Variants in TNXB observed in about 807,000 individuals in gnomAD.
TNXB encodes the protein tenascin XB, also known as tenascin-X.
In TNXB, 183 loss-of-function variants were observed where a neutral mutation model predicts 340.5. The ratio of observed to expected loss-of-function variants is 0.54; its 90% confidence interval spans 0.48 to 0.61. The LOEUF is 0.61. TNXB is among the 20% of genes least tolerant of loss of function. The pLI, the probability that TNXB is intolerant of heterozygous loss-of-function variation, is 0.00. For missense variants in TNXB, 4,613 were observed against 5,446.4 expected (o/e 0.85, Z 4.82); for synonymous variants, 2,121 against 2,314.5 (o/e 0.92, Z 2.40).
In TNXB at chr6:32,062,411, C is replaced by A; in HGVS notation, c.6914G>T (p.Arg2305Leu). The change falls in exon 20 of 44, where the codon CGC (arginine) becomes CTC (leucine). Residue 2305 changes from arginine (R) to leucine (L), a missense_variant. Transcript: ENST00000644971. This position sits in a 1 kb window ranked among gnomAD's most constrained non-coding sequence, Gnocchi z 4.3. The stretch of plus-strand genomic sequence containing the variant: ...ATCTGTCACGGTCAGCTCCTCCAGG[C>A]GAGGCTTGATGGGGGGTTCAGGGGT... ...PPTPEPPIKPRLEELTVTDAT... is the reference protein window; with the variant it reads ...PPTPEPPIKPLLEELTVTDAT... 3 of 1,613,056 alleles carry A rather than the reference C, an allele frequency of 1.9e-6. No individual in the cohort carries two copies. Among genetic ancestry groups the A allele is most frequent in the Non-Finnish European group, 2.5e-6 (3 of 1,179,838 alleles).
In TNXB at chr6:32,046,474, G is replaced by A. The variant is rs746304866; in HGVS notation, c.10325-18C>T. On this transcript the variant is annotated intron_variant, in intron 30 of 43. Transcript: ENST00000644971. The surrounding 1 kb of genome is among the most constrained non-coding windows in gnomAD (Gnocchi z 6.9). ...CAGGGGAGCTGTGCAGAGGGAGGAG[G>A]GAAAGCTCTTAGTCACATGCTGCCT... 5.2e-6 allele frequency: 8 copies of A among 1,547,368 alleles called. No individual in the cohort carries two copies. The highest frequency in any genetic ancestry group is 7.0e-6 in the Non-Finnish European group (8 of 1,142,500).
chr6:32,083,610 T>TC lies in TNXB; in HGVS notation c.3445+802dup, dbSNP rs1423099466. Among the ~76,000 whole-genome samples the TC allele has an allele frequency of 4.6e-5, 7 of 152,112 alleles. No homozygotes were observed. Among genetic ancestry groups the TC allele is most frequent in the African/African-American group, 1.7e-4 (7 of 41,424 alleles). On this transcript the variant is annotated intron_variant, in intron 8 of 43. Coordinates refer to ENST00000644971, the MANE Select transcript of TNXB (RefSeq NM_001365276.2). This position sits in a 1 kb window ranked among gnomAD's most constrained non-coding sequence, Gnocchi z 4.6. ...ACCTTGCTTTCCTTCGCCTCCCCCA[T>TC]CCAGCCCCACTGCCACCATCCCAGC... is the stretch of plus-strand genomic sequence containing the variant.
rs553553713 is a variant in TNXB, at chr6:32,080,620, C to G, written c.4042+748G>C. 6.6e-6 allele frequency among the ~76,000 whole-genome samples: 1 copy of G among 152,186 alleles called. No homozygotes were observed. The highest frequency in any genetic ancestry group is 1.5e-5 in the Non-Finnish European group (1 of 68,044). ...AAAGCTGAGGCACAGAGAGGTTAAG[C>G]AATTTGCACAAGGTCCTACAGGAAG... On this transcript the variant is annotated intron_variant, in intron 10 of 43. Transcript: ENST00000644971. This position sits in a 1 kb window ranked among gnomAD's most constrained non-coding sequence, Gnocchi z 4.3.
rs1778639649 is a variant in TNXB, at chr6:32,069,713, C to T, written c.5427G>A (p.Gln1809=). The part of the protein sequence containing the change: ...PEGQFDSFVV[Q]YKDRDGQPQV... ...GGGGCTGCCCGTCCCTGTCTTTGTA[C>T]TGGACCACAAAGGAGTCAAACTGGC... The change falls in exon 15 of 44, where the codon CAG becomes CAA. Residue 1809 remains glutamine (Q), a synonymous_variant. Coordinates refer to ENST00000644971, the MANE Select transcript of TNXB (RefSeq NM_001365276.2). This position sits in a 1 kb window ranked among gnomAD's most constrained non-coding sequence, Gnocchi z 6.2. The T allele has an allele frequency of 1.2e-6, 2 of 1,613,192 alleles. No homozygotes were observed. The highest frequency in any genetic ancestry group is 2.2e-5 in the East Asian group (1 of 44,860).
At chr6:32,106,412 G>C (rs576314539) in intron 1 of TNXB, among the ~76,000 whole-genome samples, 2 of 152,216 alleles carry the variant, frequency 1.3e-5, no homozygotes, top group East Asian at 3.9e-4. Context: ...CTGGGGAAAG[G>C]AGGAGGGCAG....
chr6:32,047,716 G>C lies in TNXB; in HGVS notation c.10324+18C>G. ...GAGAGGCAGCTCTGGAAAAGGTGGA[G>C]GCTGGACTGGGACTCACCTGTGGTG... On this transcript the variant is annotated intron_variant, in intron 30 of 43. Transcript: ENST00000644971. This position sits in a 1 kb window ranked among gnomAD's most constrained non-coding sequence, Gnocchi z 6.2. 6.4e-7 allele frequency: 1 copy of C among 1,571,692 alleles called. No individual in the cohort carries two copies. The highest frequency in any genetic ancestry group is 8.7e-7 in the Non-Finnish European group (1 of 1,155,948).
In TNXB at chr6:32,095,705, G is replaced by A. The variant is rs1294544137; in HGVS notation, c.2148C>T (p.Ile716=). 5.6e-6 allele frequency: 9 copies of A among 1,613,458 alleles called. No individual in the cohort carries two copies. In the Middle Eastern group the frequency reaches 6.6e-4, roughly 118 times the overall value. The change falls in exon 3 of 44, where the codon ATC becomes ATT. Residue 716 remains isoleucine (I), a synonymous_variant. Coordinates refer to ENST00000644971, the MANE Select transcript of TNXB (RefSeq NM_001365276.2). ...CACGGCAGTCCCCTGGGCATGTCTGGATGGCACAGTCAGGGCCTCGGAAGC... is the reference window on the plus strand; with the variant it reads ...CACGGCAGTCCCCTGGGCATGTCTGAATGGCACAGTCAGGGCCTCGGAAGC... The part of the protein sequence containing the change: ...VEGFRGPDCA[I]QTCPGDCRGR...
rs540778210 is a variant in TNXB at position 32,051,461 on chromosome 6, G to A, written c.9116-1140C>T. On this transcript the variant is annotated intron_variant, in intron 26 of 43. Transcript: ENST00000644971. This position sits in a 1 kb window ranked among gnomAD's most constrained non-coding sequence, Gnocchi z 4.7. ...TTACTGGGAGGAGCTTTGCTACAAA[G>A]GTGTTCTGTGATTTGCACACAAATA... Among the ~76,000 whole-genome samples, 11 of 152,170 alleles carry A rather than the reference G, an allele frequency of 7.2e-5. No homozygotes were observed. The highest frequency in any genetic ancestry group is 1.3e-4 in the Non-Finnish European group (9 of 68,038).
chr6:32,052,686 G>A lies in TNXB; in HGVS notation c.9099C>T (p.Ser3033=), dbSNP rs763345443. The change falls in exon 26 of 44, where the codon TCC becomes TCT. Residue 3033 remains serine (S), a synonymous_variant. Transcript: ENST00000644971. The surrounding 1 kb of genome is among the most constrained non-coding windows in gnomAD (Gnocchi z 4.7). The part of the protein sequence containing the change: ...LHEGQRVGPV[S]AVGVTAPKDE... ...CTTACTCACCTGTCACACCCACAGC[G>A]GACACTGGGCCCACGCGCTGCCCCT... 1.1e-5 allele frequency: 18 copies of A among 1,612,968 alleles called. No individual in the cohort carries two copies. The highest frequency in any genetic ancestry group is 1.6e-4 in the Middle Eastern group (1 of 6,084).
chr6:32,065,474 T>C (rs1394634684), intron 18 of TNXB, among the ~76,000 whole-genome samples: 1 of 152,172 alleles, frequency 6.6e-6, no homozygotes, highest in African/African-American at 2.4e-5. Context: ...CAATGTATCC[T>C]CCTTCTATAG....
rs751252067 is a variant in TNXB, at chr6:32,053,721, C to T, written c.8468-10G>A. 1 of 1,609,288 alleles carries T rather than the reference C, an allele frequency of 6.2e-7. No individual in the cohort carries two copies. Among genetic ancestry groups the T allele is most frequent in the Non-Finnish European group, 8.5e-7 (1 of 1,176,922 alleles). ...GCTTCATCCTCTGGAGCTGGACAGA[C>T]ACGTGTGGGGAGAGTGAGGTCCCTG... On this transcript the variant is annotated splice_polypyrimidine_tract_variant and intron_variant, in intron 24 of 43. Coordinates refer to ENST00000644971, the MANE Select transcript of TNXB (RefSeq NM_001365276.2).
chr6:32,103,019 A>G (rs1465565177), intron 1 of TNXB, among the ~76,000 whole-genome samples: 1 of 152,242 alleles, frequency 6.6e-6, no homozygotes, highest in African/African-American at 2.4e-5. Flanking sequence ...GGAAGGAGTC[A>G]TATTTCTGGA....
rs1779497133 is a variant in TNXB, at chr6:32,082,120, C to T, written c.3652G>A (p.Asp1218Asn). The T allele has an allele frequency of 5.0e-6, 8 of 1,611,424 alleles. No individual in the cohort carries two copies. The highest frequency in any genetic ancestry group is 6.8e-6 in the Non-Finnish European group (8 of 1,179,058). The change falls in exon 9 of 44, where the codon GAC becomes AAC. Residue 1218 changes from aspartate (D) to asparagine (N), a missense_variant. Coordinates refer to ENST00000644971, the MANE Select transcript of TNXB (RefSeq NM_001365276.2). This position sits in a 1 kb window ranked among gnomAD's most constrained non-coding sequence, Gnocchi z 5.0. The part of the protein sequence containing the change: ...PERSFVVSSL[D>N]PDHKYRFTLF... ...GTGAATCTGTACTTGTGGTCAGGGT[C>T]CAGTGAGGAGACAACAAATGAACGC...
rs187591167 is a variant in TNXB at position 32,080,644 on chromosome 6, A to G, written c.4042+724T>C. ...GCAATTTGCACAAGGTCCTACAGGA[A>G]GTAAGTTGCAAGGCTGGTAGTGAGA... On this transcript the variant is annotated intron_variant, in intron 10 of 43. Transcript: ENST00000644971. The surrounding 1 kb of genome is among the most constrained non-coding windows in gnomAD (Gnocchi z 4.3). 6.6e-6 allele frequency among the ~76,000 whole-genome samples: 1 copy of G among 152,358 alleles called. No individual in the cohort carries two copies. The highest frequency in any genetic ancestry group is 1.9e-4 in the East Asian group (1 of 5,188).
rs1328506037 is a variant in TNXB, at chr6:32,053,383, C to G, written c.8791+5G>C. ...CCCACTCTGGGGCTCCCATCGTACA[C>G]TCACCTGTCACCCCAATGACAGAGA... On this transcript the variant is annotated splice_donor_5th_base_variant and intron_variant, in intron 25 of 43. Coordinates refer to ENST00000644971, the MANE Select transcript of TNXB (RefSeq NM_001365276.2). 6.2e-7 allele frequency: 1 copy of G among 1,611,820 alleles called. No homozygotes were observed. The highest frequency in any genetic ancestry group is 8.5e-7 in the Non-Finnish European group (1 of 1,179,560).
At position 32,048,584 on chromosome 6, in the gene TNXB, G is replaced by A. The variant is rs999835069; in HGVS notation, c.9824C>T (p.Ser3275Leu). 1.9e-6 allele frequency: 3 copies of A among 1,545,362 alleles called. No individual in the cohort carries two copies. The highest frequency in any genetic ancestry group is 1.9e-5 in the Admixed American group (1 of 53,230). Residue 3275 changes from serine (S) to leucine (L), a missense_variant, in exon 29 of 44, where the codon TCG becomes TTG. By Grantham distance (145) the Ser-to-Leu change is moderately radical. This residue lies in a region of TNXB where 4,327 missense variants were observed against 4,859.4 expected (regional missense o/e 0.89). Transcript: ENST00000644971. ...CGTCCATGAGAGGCCCACTGAGTCC[G>A]AGGTCACGGCCGCCACCGCCAGCTC... ...LGELAVAAVTSDSVGLSWTVA... is the reference protein window; with the variant it reads ...LGELAVAAVTLDSVGLSWTVA...
intron 22 of TNXB, among the ~76,000 whole-genome samples, chr6:32,057,615 C>T (rs1158538231): frequency 1.3e-5 from 2 of 151,068 alleles, no homozygotes; most frequent in Admixed American, 6.6e-5. Context: ...CCTCTGCTCC[C>T]ACACTTCAGG....
At chr6:32,095,340 G>A (rs1252953956) in intron 3 of TNXB, 149 bp from the exon 4 acceptor site, 1 of 721,004 alleles carries the variant, frequency 1.4e-6, no homozygotes, top group Non-Finnish European at 2.3e-6. Flanking sequence ...GGCTGAACGG[G>A]GCTTGGATCG....
chr6:32,069,836 A>C lies in TNXB; in HGVS notation c.5304T>G (p.Thr1768=). 1 of 1,606,440 alleles carries C rather than the reference A, an allele frequency of 6.2e-7. No homozygotes were observed. Among genetic ancestry groups the C allele is most frequent in the Non-Finnish European group, 8.5e-7 (1 of 1,175,940 alleles). The change falls in exon 15 of 44, where the codon ACT becomes ACG. Residue 1768 remains threonine, a synonymous_variant. Coordinates refer to ENST00000644971, the MANE Select transcript of TNXB (RefSeq NM_001365276.2). The surrounding 1 kb of genome is among the most constrained non-coding windows in gnomAD (Gnocchi z 6.2). ...GGGGTTTTGGGGGACGCTTTGTTCC[A>C]GTATCATCCATAGCACTCCGGGCTT... ...TTEARSAMDD[T]GTKRPPKPRL... is the part of the protein sequence containing the mutation.
Sources: gnomAD v4.1 joint callset for allele counts (sites outside exome capture counted in the v4.1 genomes callset) on GRCh38, gnomAD v4.1.1 for gene constraint, gnomAD v4.1.1 regional missense constraint, Gnocchi (gnomAD v3.1) non-coding constraint, MANE v1.5 for transcripts, NCBI Gene and HGNC (gene_info 2026-07-23, HGNC 2026-07-21) for gene names.